The following SPOCK3 variants were observed in gnomAD, a reference collection of about 807,000 sequenced individuals.
SPOCK3 encodes the protein testican-3.
A neutral mutation model predicts 56.6 loss-of-function variants in SPOCK3; 30 were observed. The observed-to-expected ratio is 0.53, with a 90% confidence interval of 0.40 to 0.72. The LOEUF is 0.72. Ranked by LOEUF, SPOCK3 falls within the 30% of genes least tolerant of loss-of-function variation. SPOCK3 has a pLI of 0.00. For synonymous variants in SPOCK3, 196 were observed against 183.3 expected (o/e 1.07, Z -0.56); for missense variants, 527 against 530.0 (o/e 0.99, Z 0.06).
chr4:166,808,460 C>G (rs1743411352), intron 6 of SPOCK3, among the ~76,000 whole-genome samples: 1 of 152,046 alleles, frequency 6.6e-6, no homozygotes, highest in South Asian at 2.1e-4. Context: ...CTCTCTCTCT[C>G]TCTCTCTCTC....
At chr4:166,877,863 ATACTT>A (rs1358195353) in intron 6 of SPOCK3, among the ~76,000 whole-genome samples, 3 of 152,344 alleles carry the variant, frequency 2.0e-5, no homozygotes, top group East Asian at 3.9e-4. Context: ...TGGTATAAAT[ATACTT>A]TACAAGAAAT....
At chr4:167,173,899 G>A (rs1184793872) in intron 2 of SPOCK3, among the ~76,000 whole-genome samples, 1 of 152,116 alleles carries the variant, frequency 6.6e-6, no homozygotes, top group Admixed American at 6.6e-5. Context: ...AGGGTTTCAG[G>A]AAATGCTTCA....
intron 6 of SPOCK3, among the ~76,000 whole-genome samples, chr4:166,848,649 A>C (rs1023336706): frequency 6.6e-6 from 1 of 152,176 alleles, no homozygotes; most frequent in Non-Finnish European, 1.5e-5. Context: ...GTACTAACAG[A>C]ATATATTATA....
intron 2 of SPOCK3, among the ~76,000 whole-genome samples, chr4:167,082,015 T>C (rs533643367): frequency 6.6e-6 from 1 of 152,076 alleles, no homozygotes; most frequent in Admixed American, 6.6e-5. Flanking sequence ...ACACTCAATA[T>C]CCAATACTTA....
At chr4:167,198,034 T>C (rs1357906855) in intron 2 of SPOCK3, among the ~76,000 whole-genome samples, 1 of 152,090 alleles carries the variant, frequency 6.6e-6, no homozygotes, top group East Asian at 1.9e-4. Context: ...GGTCCATCTT[T>C]ATGATATATA....
intron 8 of SPOCK3, among the ~76,000 whole-genome samples, chr4:166,744,443 G>A (rs891920907): frequency 4.6e-5 from 7 of 151,710 alleles, no homozygotes; most frequent in African/African-American, 7.3e-5. Context: ...CAGTAACATC[G>A]ACAAAAAGGA....
chr4:167,149,141 A>C (rs2150412768), intron 2 of SPOCK3, among the ~76,000 whole-genome samples: 1 of 152,266 alleles, frequency 6.6e-6, no homozygotes, highest in African/African-American at 2.4e-5. Context: ...CTTTTGGTCT[A>C]AAGGATATTT....
intron 3 of SPOCK3, among the ~76,000 whole-genome samples, chr4:167,036,595 G>A (rs1405867061): frequency 6.6e-6 from 1 of 152,080 alleles, no homozygotes; most frequent in Non-Finnish European, 1.5e-5. Context: ...TTAAGATATG[G>A]TGTATTTTGA....
intron 2 of SPOCK3, among the ~76,000 whole-genome samples, chr4:167,116,456 A>C (rs966040998): frequency 7.4e-6 from 1 of 134,612 alleles, no homozygotes; most frequent in African/African-American, 2.7e-5. Context: ...ACACAAAAGT[A>C]TATATATACA....
intron 7 of SPOCK3, among the ~76,000 whole-genome samples, chr4:166,777,677 C>T (rs1375958977): frequency 1.3e-5 from 2 of 152,004 alleles, no homozygotes; most frequent in African/African-American, 4.8e-5. Context: ...TTTGGGCCTG[C>T]AATGAGCTAT....
rs1734032047 is a variant in SPOCK3 at position 166,734,600 on chromosome 4, C to T, written c.*321G>A. 1 of 205,998 alleles carries T rather than the reference C, an allele frequency of 4.9e-6. No individual in the cohort carries two copies. Among genetic ancestry groups the T allele is most frequent in the East Asian group, 1.1e-4 (1 of 9,014 alleles). 12.8% of individuals were successfully genotyped at this position (205,998 alleles called of 1,614,324 possible). The stretch of plus-strand genomic sequence containing the variant: ...AAATTAACATGTACGATCCCAAGCA[C>T]TAGCTGTCATTTTGCTTATGGAAGA... On this transcript the variant is annotated 3_prime_UTR_variant, in exon 11 of 11. Coordinates refer to ENST00000357545, the MANE Select transcript of SPOCK3 (RefSeq NM_001040159.2).
rs70955697 is a variant in SPOCK3, at chr4:166,840,771, GTTTTTTTTTTTT to G, written c.589+48347_589+48358del. 1.4e-3 allele frequency among the ~76,000 whole-genome samples: 96 copies of G among 68,178 alleles called. 1 individual carries two copies. The Middle Eastern group carries it at 0.051, about 36-fold the overall frequency. The allele number at this position is 68,178 out of a possible 152,430, so 44.7% of individuals were successfully genotyped here. On this transcript the variant is annotated intron_variant, in intron 6 of 10. Coordinates refer to ENST00000357545, the MANE Select transcript of SPOCK3 (RefSeq NM_001040159.2). ...CTAATTCATCTTCCCAGAAGCAAAAGTTTTTTTTTTTTTTTTTTTTTTTTTTAGATGCAGTCT... is the reference window on the plus strand; with the variant it reads ...CTAATTCATCTTCCCAGAAGCAAAAGTTTTTTTTTTTTTTAGATGCAGTCT...
chr4:167,174,897 T>C (rs1025510897), intron 2 of SPOCK3, among the ~76,000 whole-genome samples: 1 of 152,064 alleles, frequency 6.6e-6, no homozygotes, highest in African/African-American at 2.4e-5. Flanking sequence ...TCTTTTGTAA[T>C]ATACATTCTC....
At chr4:167,163,409 T>A (rs1580483285) in intron 2 of SPOCK3, among the ~76,000 whole-genome samples, 1 of 152,050 alleles carries the variant, frequency 6.6e-6, no homozygotes, top group Non-Finnish European at 1.5e-5. Context: ...GGGGTACCCA[T>A]CACCTCAAGT....
chr4:167,097,614 T>C (rs1580280506), intron 2 of SPOCK3, among the ~76,000 whole-genome samples: 1 of 152,100 alleles, frequency 6.6e-6, no homozygotes, highest in East Asian at 1.9e-4. Context: ...TACATTGATA[T>C]ATTGCATGAT....
intron 2 of SPOCK3, among the ~76,000 whole-genome samples, chr4:167,121,626 C>T (rs1761873151): frequency 1.3e-5 from 2 of 152,068 alleles, no homozygotes. Context: ...TATTATGTGA[C>T]TGCATAACAA....
chr4:166,994,890 A>C (rs142645011), intron 4 of SPOCK3, among the ~76,000 whole-genome samples: 1 of 152,276 alleles, frequency 6.6e-6, no homozygotes, highest in East Asian at 1.9e-4. Flanking sequence ...TCAGCAAAAA[A>C]AGAATGTGGG....
At chr4:166,912,463 G>T (rs1293203557) in intron 5 of SPOCK3, among the ~76,000 whole-genome samples, 157 bp downstream of exon 5, 1 of 152,004 alleles carries the variant, frequency 6.6e-6, no homozygotes, top group Non-Finnish European at 1.5e-5. Flanking sequence ...AAAAACAAAT[G>T]CACATTGAAT....
intron 4 of SPOCK3, among the ~76,000 whole-genome samples, chr4:166,939,847 A>G (rs2150013226): frequency 6.6e-6 from 1 of 152,332 alleles, no homozygotes; most frequent in African/African-American, 2.4e-5. Context: ...TGGTAAACAT[A>G]ATTGAATTTA....
Sources: allele counts gnomAD v4.1 joint callset (sites outside exome capture counted in the v4.1 genomes callset), GRCh38; gene constraint gnomAD v4.1.1; transcripts MANE v1.5; gene names NCBI Gene and HGNC (gene_info 2026-07-23, HGNC 2026-07-21).